RCAN3: variants seen among roughly 807,000 people sequenced by gnomAD.
The protein encoded by RCAN3 is calcipressin-3.
RCAN3 carries 19 observed loss-of-function variants against 21.9 expected under a neutral mutation model. The observed-to-expected ratio is 0.87, with a 90% CI of 0.61 to 1.27. The LOEUF is 1.27. Ranked by LOEUF, RCAN3 falls within the 50% of genes most tolerant of loss-of-function variation. The pLI, the probability that RCAN3 is intolerant of heterozygous loss-of-function variation, is 0.00. For synonymous variants in RCAN3, 114 were observed against 112.3 expected (o/e 1.01, Z -0.09); for missense variants, 240 against 300.1 (o/e 0.80, Z 1.48).
chr1:24,511,347 A>T (rs1172420979), intron 1 of RCAN3, among the ~76,000 whole-genome samples: 3 of 152,056 alleles, frequency 2.0e-5, no homozygotes, highest in Non-Finnish European at 4.4e-5. Context: ...AAAACAAAAC[A>T]TCCACAGCAT....
At chr1:24,517,262 A>G (rs1296710328) in intron 2 of RCAN3, among the ~76,000 whole-genome samples, 1 of 151,898 alleles carries the variant, frequency 6.6e-6, no homozygotes, top group African/African-American at 2.4e-5. Flanking sequence ...TTACAGGCAC[A>G]TGCCACAATG....
intron 4 of RCAN3, among the ~76,000 whole-genome samples, chr1:24,534,500 G>C (rs776868624): frequency 1.3e-5 from 2 of 152,218 alleles, no homozygotes; most frequent in African/African-American, 4.8e-5. Flanking sequence ...CCAGCTACTC[G>C]GGAGGCTGAG....
chr1:24,532,948 CAAAAAAAAAAAAAAAAAAA>C (rs756973308), intron 3 of RCAN3, 116 bp from the exon 4 acceptor site: 10 of 92,532 alleles, frequency 1.1e-4, no homozygotes, highest in Non-Finnish European at 1.2e-4. Context: ...GACTCCGTCT[CAAAAAAAAAAAAAAAAAAA>C]AAAAAAAAGA....
At chr1:24,529,933 A>G (rs1649611662) in intron 2 of RCAN3, among the ~76,000 whole-genome samples, 1 of 150,306 alleles carries the variant, frequency 6.7e-6, no homozygotes, top group Admixed American at 6.7e-5. Context: ...ACTCCCAGCT[A>G]TTTGGGAGGC....
intron 2 of RCAN3, among the ~76,000 whole-genome samples, chr1:24,523,603 T>TACAC (rs71577716): frequency 0.027 from 3,854 of 140,788 alleles, 75 homozygotes; most frequent in African/African-American, 0.057. Flanking sequence ...TTATTTCTAA[T>TACAC]ACACACACAC....
Position 24,525,942 on chromosome 1 carries a change from T to G in RCAN3, c.196-5276T>G, listed in dbSNP as rs638834. Reference sequence around the variant, plus strand: ...GTTTTGCCTCCAAGTTAATTCTTCATGCTTCCAAAGCACCTCACAGCTAGA... The same window carrying G: ...GTTTTGCCTCCAAGTTAATTCTTCAGGCTTCCAAAGCACCTCACAGCTAGA... On this transcript the variant is annotated intron_variant, in intron 2 of 4. Coordinates refer to ENST00000374395, the MANE Select transcript of RCAN3 (RefSeq NM_013441.4). This position sits in a 1 kb window ranked among gnomAD's most constrained non-coding sequence, Gnocchi z 4.1. 1.3e-5 allele frequency among the ~76,000 whole-genome samples: 2 copies of G among 151,502 alleles called. No homozygotes were observed. Among genetic ancestry groups the G allele is most frequent in the African/African-American group, 4.9e-5 (2 of 41,236 alleles).
chr1:24,517,085 T>G (rs988500448), intron 2 of RCAN3, among the ~76,000 whole-genome samples: 2 of 56,284 alleles, frequency 3.6e-5, no homozygotes, highest in Non-Finnish European at 6.7e-5. Flanking sequence ...TATTTTTTTG[T>G]TTTTTTTTGT....
intron 2 of RCAN3, among the ~76,000 whole-genome samples, chr1:24,528,261 A>AG (rs1205486737): frequency 2.0e-5 from 3 of 150,296 alleles, no homozygotes; most frequent in Non-Finnish European, 4.4e-5. Flanking sequence ...AAAGAAAAAA[A>AG]AAAAAAGAAA....
intron 2 of RCAN3, among the ~76,000 whole-genome samples, chr1:24,516,166 A>G (rs1648302285): frequency 6.6e-6 from 1 of 151,764 alleles, no homozygotes; most frequent in South Asian, 2.1e-4. Context: ...GAAAGAAAGA[A>G]ACACTTGAAA....
chr1:24,503,030 C>G lies in RCAN3; in HGVS notation c.-180C>G, dbSNP rs1647206545. The G allele has an allele frequency of 6.7e-6, 1 of 149,564 alleles. No homozygotes were observed. Among genetic ancestry groups the G allele is most frequent in the African/African-American group, 2.4e-5 (1 of 41,040 alleles). The allele number at this position is 149,564 out of a possible 1,614,324, so 9.3% of individuals were successfully genotyped here. On this transcript the variant is annotated 5_prime_UTR_variant, in exon 1 of 5. Coordinates refer to ENST00000374395, the MANE Select transcript of RCAN3 (RefSeq NM_013441.4). ...AGGCTCCCAGAGGCCCCGCAGCTCG[C>G]GCCGTCCGGCTCCCCGCAGCCCCGT...
chr1:24,524,874 G>C (rs1358482738), intron 2 of RCAN3, among the ~76,000 whole-genome samples: 3 of 138,926 alleles, frequency 2.2e-5, no homozygotes, highest in African/African-American at 8.2e-5. Context: ...CTGTTCCCCA[G>C]GCTGGAGTGC....
intron 1 of RCAN3, chr1:24,507,518 C>G (rs919873659): frequency 1.3e-5 from 2 of 152,190 alleles, no homozygotes; most frequent in African/African-American, 4.8e-5. Context: ...TTCACAGATA[C>G]AGTCTTGTAG....
chr1:24,516,740 A>G (rs928552553), intron 2 of RCAN3, among the ~76,000 whole-genome samples: 4 of 152,152 alleles, frequency 2.6e-5, no homozygotes, highest in African/African-American at 9.7e-5. Context: ...TGGCAGAGTG[A>G]TGGGAGAAGA....
intron 2 of RCAN3, among the ~76,000 whole-genome samples, chr1:24,514,808 A>C (rs1648162413): frequency 6.6e-6 from 1 of 152,016 alleles, no homozygotes; most frequent in African/African-American, 2.4e-5. Context: ...GTCTCTACTA[A>C]AAATGCAAAA....
rs772289173 is a variant in RCAN3, at chr1:24,535,128, A to G, written c.577A>G (p.Thr193Ala). The change falls in exon 5 of 5, where the codon ACA becomes GCA. Residue 193 changes from threonine (T) to alanine (A), a missense_variant. Coordinates refer to ENST00000374395, the MANE Select transcript of RCAN3 (RefSeq NM_013441.4). ...KYELHAGTESTPSVVVHVCES... is the reference protein window; with the variant it reads ...KYELHAGTESAPSVVVHVCES... ...TGAACTTCACGCGGGAACAGAGTCG[A>G]CACCCAGCGTGGTGGTTCATGTCTG... 6.3e-7 allele frequency: 1 copy of G among 1,596,732 alleles called. No homozygotes were observed. Among genetic ancestry groups the G allele is most frequent in the Admixed American group, 1.8e-5 (1 of 55,390 alleles).
chr1:24,516,203 G>A (rs189728436), intron 2 of RCAN3, among the ~76,000 whole-genome samples: 6 of 152,198 alleles, frequency 3.9e-5, no homozygotes, highest in South Asian at 4.1e-4. Context: ...AGTGGCTCTC[G>A]CCTGTAATCC....
intron 2 of RCAN3, among the ~76,000 whole-genome samples, chr1:24,528,861 T>A (rs1570477641): frequency 6.6e-6 from 1 of 152,288 alleles, no homozygotes; most frequent in East Asian, 1.9e-4. Flanking sequence ...TGAACATGTT[T>A]ATAATACTGT....
chr1:24,514,287 C>A, intron 1 of RCAN3, 27 bp from the exon 2 acceptor site: 2 of 1,233,876 alleles, frequency 1.6e-6, no homozygotes, highest in Admixed American at 2.6e-5. Flanking sequence ...CGGAGTTTTA[C>A]CTCTGCATTT....
intron 1 of RCAN3, among the ~76,000 whole-genome samples, chr1:24,512,192 T>C (rs951085025): frequency 1.3e-5 from 2 of 151,814 alleles, no homozygotes; most frequent in Admixed American, 1.3e-4. Flanking sequence ...CTACTAAAAA[T>C]ACAAAAATTA....
Sources: gnomAD v4.1 joint callset for allele counts (sites outside exome capture counted in the v4.1 genomes callset) on GRCh38, gnomAD v4.1.1 for gene constraint, Gnocchi (gnomAD v3.1) non-coding constraint, MANE v1.5 for transcripts, NCBI Gene and HGNC (gene_info 2026-07-23, HGNC 2026-07-21) for gene names.